The following ATP5PD variants were observed in gnomAD, a reference collection of about 807,000 sequenced individuals.
ATP5PD encodes the protein ATP synthase peripheral stalk subunit d.
Under a neutral mutation model 22.6 loss-of-function variants are expected in ATP5PD, and 13 were observed. The observed-to-expected ratio is 0.58, with a 90% CI of 0.37 to 0.91. The LOEUF (loss-of-function observed/expected upper bound fraction) is 0.91. Ranked by LOEUF, ATP5PD falls within the 40% of genes least tolerant of loss-of-function variation. The pLI is 0.00. For synonymous variants in ATP5PD, 51 were observed against 65.0 expected (o/e 0.79, Z 1.03); for missense variants, 165 against 188.0 (o/e 0.88, Z 0.72).
chr17:75,042,115 C>A, intron 3 of ATP5PD, 66 bp downstream of exon 3: 3 of 1,385,800 alleles, frequency 2.2e-6, no homozygotes, highest in Non-Finnish European at 3.0e-6. Context: ...ATGTAATTAT[C>A]CCTGTTCCTG....
intron 4 of ATP5PD, chr17:75,039,701 C>A: frequency 3.8e-6 from 1 of 263,658 alleles, no homozygotes; most frequent in Non-Finnish European, 7.2e-6. Flanking sequence ...ATTCCAACTC[C>A]TTGTTTCTAA....
intron 1 of ATP5PD, among the ~76,000 whole-genome samples, chr17:75,046,017 C>T (rs556034157): frequency 8.6e-4 from 131 of 152,300 alleles, no homozygotes; most frequent in Non-Finnish European, 1.6e-3. Context: ...TGGTTTCAGC[C>T]GGTCTCTCTG....
chr17:75,040,307 A>G (rs2073146011), intron 3 of ATP5PD, 144 bp from the exon 4 acceptor site: 1 of 918,324 alleles, frequency 1.1e-6, no homozygotes, highest in Non-Finnish European at 1.8e-6. Context: ...CTGTGTCCCA[A>G]GCGGAAACGA....
rs1270297032 is a variant in ATP5PD, at chr17:75,042,230, T to C, written c.170A>G (p.Tyr57Cys). 1 of 1,614,198 alleles carries C rather than the reference T, an allele frequency of 6.2e-7. No homozygotes were observed. Among genetic ancestry groups the C allele is most frequent in the Non-Finnish European group, 8.5e-7 (1 of 1,180,018 alleles). ...ENPPAIDWAY[Y>C]KANVAKAGLV... is the part of the protein sequence containing the mutation. ...GCCAGCCTTGGCCACATTGGCCTTGTAGTAAGCCCAGTCGATAGCTGGTGG... is the reference window on the plus strand; with the variant it reads ...GCCAGCCTTGGCCACATTGGCCTTGCAGTAAGCCCAGTCGATAGCTGGTGG... Residue 57 changes from tyrosine (Y) to cysteine (C), a missense_variant, in exon 3 of 6, where the codon TAC becomes TGC. Physicochemically the swap from Tyr to Cys is radical, Grantham distance 194 (BLOSUM62 -2). Coordinates refer to ENST00000301587, the MANE Select transcript of ATP5PD (RefSeq NM_006356.3).
At chr17:75,044,178 C>A (rs1168357116) in intron 1 of ATP5PD, among the ~76,000 whole-genome samples, 2 of 147,014 alleles carry the variant, frequency 1.4e-5, no homozygotes, top group Non-Finnish European at 3.0e-5. Context: ...GCACCCACCA[C>A]CACACCCAGC....
intron 4 of ATP5PD, 189 bp downstream of exon 4, chr17:75,039,903 T>G: frequency 1.5e-6 from 1 of 663,130 alleles, no homozygotes; most frequent in Non-Finnish European, 2.6e-6. Context: ...ACTCTTCTTT[T>G]TCTTGTTGGC....
intron 1 of ATP5PD, among the ~76,000 whole-genome samples, chr17:75,045,251 T>C (rs940047855): frequency 1.3e-5 from 2 of 152,020 alleles, no homozygotes; most frequent in African/African-American, 4.8e-5. Context: ...GGTAATAGAA[T>C]ATCACAAGGC....
At chr17:75,042,312 C>G in intron 2 of ATP5PD, 35 bp from the exon 3 acceptor site, 11 of 1,604,124 alleles carry the variant, frequency 6.9e-6, no homozygotes, top group Non-Finnish European at 9.4e-6. Flanking sequence ...TAGGATTGTT[C>G]ATAAGCAGTA....
intron 1 of ATP5PD, among the ~76,000 whole-genome samples, 163 bp downstream of exon 1, chr17:75,046,762 C>T (rs547431178): frequency 6.6e-6 from 1 of 152,200 alleles, no homozygotes; most frequent in Non-Finnish European, 1.5e-5. Context: ...GAAGGGATCG[C>T]GGGGCGAGGA....
chr17:75,042,484 A>C, intron 2 of ATP5PD, 45 bp downstream of exon 2: 1 of 1,594,434 alleles, frequency 6.3e-7, no homozygotes, highest in Non-Finnish European at 8.5e-7. Flanking sequence ...TTTTGTTTCT[A>C]GATTCAGTGG....
At chr17:75,039,861 TAG>T in intron 4 of ATP5PD, 1 of 543,524 alleles carries the variant, frequency 1.8e-6, no homozygotes, top group Non-Finnish European at 3.2e-6. Context: ...CTACATTTTC[TAG>T]AGTCTTACAA....
intron 1 of ATP5PD, among the ~76,000 whole-genome samples, chr17:75,046,359 G>A (rs775735277): frequency 4.3e-4 from 66 of 152,192 alleles, no homozygotes; most frequent in Non-Finnish European, 8.4e-4. Flanking sequence ...TGGGATTACA[G>A]GCGTGAGCCA....
chr17:75,043,626 A>AC lies in ATP5PD; in HGVS notation c.-9-968_-9-967insG, dbSNP rs796808133. Among the ~76,000 whole-genome samples the AC allele has an allele frequency of 1.6e-3, 238 of 151,812 alleles. 2 individuals carry two copies. Among genetic ancestry groups the AC allele is most frequent in the African/African-American group, 5.7e-3 (234 of 41,380 alleles). On this transcript the variant is annotated intron_variant, in intron 1 of 5. Coordinates refer to ENST00000301587, the MANE Select transcript of ATP5PD (RefSeq NM_006356.3). ...GACTCTGTCTCAAAAAAAAAAAAAA[A>AC]AACAAACCCCAGCTCTCTTTATCCC...
At chr17:75,039,390 G>T in intron 4 of ATP5PD, 119 bp from the exon 5 acceptor site, 1 of 893,222 alleles carries the variant, frequency 1.1e-6, no homozygotes, top group Non-Finnish European at 1.8e-6. Flanking sequence ...GAGAAACTGT[G>T]GTTACCCTGA....
rs1327465018 is a variant in ATP5PD at position 75,042,652 on chromosome 17, T to C, written c.-2A>G. ...TAGAGCAAGTTTTCGCCCAGCCATT[T>C]TGGGATCCTGAAAAATAAGTCAAAT... On this transcript the variant is annotated 5_prime_UTR_variant, in exon 2 of 6. Transcript: ENST00000301587. 6.3e-7 allele frequency: 1 copy of C among 1,596,450 alleles called. No individual in the cohort carries two copies. The highest frequency in any genetic ancestry group is 8.5e-7 in the Non-Finnish European group (1 of 1,175,684).
At chr17:75,040,779 G>A (rs538844795) in intron 3 of ATP5PD, 1 of 152,338 alleles carries the variant, frequency 6.6e-6, no homozygotes, top group South Asian at 2.1e-4. Flanking sequence ...CCAGCTACAT[G>A]GGAGGCTGAG....
At chr17:75,046,767 CGA>C (rs1244926139) in intron 1 of ATP5PD, among the ~76,000 whole-genome samples, 156 bp downstream of exon 1, 3 of 152,028 alleles carry the variant, frequency 2.0e-5, no homozygotes, top group Non-Finnish European at 4.4e-5. Flanking sequence ...GATCGCGGGG[CGA>C]GGAGCGGCAG....
At chr17:75,043,109 T>C (rs1347090021) in intron 1 of ATP5PD, among the ~76,000 whole-genome samples, 1 of 149,760 alleles carries the variant, frequency 6.7e-6, no homozygotes. Context: ...TAATCCCAGC[T>C]ACTCCAGAGG....
chr17:75,039,313 A>G, intron 4 of ATP5PD, 42 bp from the exon 5 acceptor site: 1 of 1,572,952 alleles, frequency 6.4e-7, no homozygotes, highest in Non-Finnish European at 8.7e-7. Flanking sequence ...ACCAGGCTGC[A>G]TTCTACCCCA....
Sources: gnomAD v4.1 joint callset for allele counts (sites outside exome capture counted in the v4.1 genomes callset) on GRCh38, gnomAD v4.1.1 for gene constraint, MANE v1.5 for transcripts, NCBI Gene and HGNC (gene_info 2026-07-23, HGNC 2026-07-21) for gene names.